Variants in GRM1 observed in about 807,000 individuals in gnomAD.
The protein encoded by GRM1 is metabotropic glutamate receptor 1.
In GRM1, 33 loss-of-function variants were observed where a neutral mutation model predicts 90.9. That is an observed-to-expected ratio of 0.36 (90% CI 0.28 to 0.49). The LOEUF (loss-of-function observed/expected upper bound fraction) is 0.49, where lower values mean the gene tolerates loss of function less well. Ranked by LOEUF, GRM1 falls within the 20% of genes least tolerant of loss-of-function variation. The pLI is 0.99. For synonymous variants in GRM1, 700 were observed against 613.2 expected, an observed-to-expected ratio of 1.14 and a Z score of -2.09; for missense variants, 1,190 against 1,534.3, an observed-to-expected ratio of 0.78 and a Z score of 3.75.
chr6:146,265,628 C>G (rs997630849), intron 2 of GRM1, among the ~76,000 whole-genome samples: 6 of 152,036 alleles, frequency 3.9e-5, no homozygotes, highest in Non-Finnish European at 8.8e-5. Context: ...AAGACTTTTT[C>G]CTGGGTTTTC....
intron 7 of GRM1, among the ~76,000 whole-genome samples, chr6:146,404,993 A>G (rs544625471): frequency 1.3e-5 from 2 of 152,326 alleles, no homozygotes; most frequent in East Asian, 3.9e-4. Context: ...ACTAGACTTG[A>G]AATACCAGTT....
At chr6:146,069,453 A>C (rs530531197) in intron 1 of GRM1, among the ~76,000 whole-genome samples, 33 of 152,340 alleles carry the variant, frequency 2.2e-4, no homozygotes, top group African/African-American at 7.0e-4. Flanking sequence ...TAATAGGAAT[A>C]TGAAATCTTT....
chr6:146,155,219 C>T (rs1777480479), intron 1 of GRM1, among the ~76,000 whole-genome samples: 1 of 152,124 alleles, frequency 6.6e-6, no homozygotes, highest in Non-Finnish European at 1.5e-5. Context: ...AAACAGTGGG[C>T]CACCCATATA....
At chr6:146,121,286 C>T (rs1349674900) in intron 1 of GRM1, among the ~76,000 whole-genome samples, 5 of 151,886 alleles carry the variant, frequency 3.3e-5, no homozygotes, top group African/African-American at 4.8e-5. Context: ...TGGTGCTATC[C>T]CCTTTATCAT....
chr6:146,204,629 G>C (rs1450778694), intron 2 of GRM1, among the ~76,000 whole-genome samples: 4 of 152,112 alleles, frequency 2.6e-5, no homozygotes, highest in African/African-American at 9.7e-5. Flanking sequence ...TGAAATTTAT[G>C]ATGATTCAGA....
intron 2 of GRM1, among the ~76,000 whole-genome samples, chr6:146,241,796 A>G (rs895824362): frequency 6.6e-6 from 1 of 152,104 alleles, no homozygotes; most frequent in East Asian, 1.9e-4. Context: ...GAGATTTTAT[A>G]TAGAGATTTT....
At chr6:146,282,870 A>G (rs560774649) in intron 2 of GRM1, among the ~76,000 whole-genome samples, 2 of 152,200 alleles carry the variant, frequency 1.3e-5, no homozygotes, top group Non-Finnish European at 2.9e-5. Flanking sequence ...AGACTGGATA[A>G]CTGAGAAGAA....
At chr6:146,353,302 G>T (rs780639917) in intron 4 of GRM1, among the ~76,000 whole-genome samples, 1 of 152,096 alleles carries the variant, frequency 6.6e-6, no homozygotes, top group East Asian at 1.9e-4. Flanking sequence ...GAAGGAAAAA[G>T]GCCCTCAGCT....
At chr6:146,359,425 GGCTGCCTCTC>G (rs1775370086) in intron 5 of GRM1, among the ~76,000 whole-genome samples, 1 of 152,204 alleles carries the variant, frequency 6.6e-6, no homozygotes, top group Non-Finnish European at 1.5e-5. Context: ...TGTTGGCTCA[GGCTGCCTCTC>G]CAGTGTGGGT....
chr6:146,059,729 T>G (rs1775599412), intron 1 of GRM1, among the ~76,000 whole-genome samples: 1 of 152,020 alleles, frequency 6.6e-6, no homozygotes. Flanking sequence ...TCTTGATAAC[T>G]TCCTGCAACT....
At chr6:146,392,980 G>A (rs1776787875) in intron 6 of GRM1, among the ~76,000 whole-genome samples, 1 of 152,124 alleles carries the variant, frequency 6.6e-6, no homozygotes, top group Non-Finnish European at 1.5e-5. Flanking sequence ...ATTGTGAATA[G>A]TGCTGTGATA....
At chr6:146,291,250 A>G (rs1462495147) in intron 2 of GRM1, among the ~76,000 whole-genome samples, 1 of 151,968 alleles carries the variant, frequency 6.6e-6, no homozygotes, top group Non-Finnish European at 1.5e-5. Context: ...GTTGTATGCA[A>G]CATAGTTTTG....
chr6:146,414,377 T>TTTATTATTA (rs56297907), intron 7 of GRM1, among the ~76,000 whole-genome samples: 13,975 of 145,274 alleles, frequency 0.096, 782 homozygotes, highest in African/African-American at 0.13. Flanking sequence ...CCGTTTGCCT[T>TTTATTATTA]TTATTATTAT....
At chr6:146,177,492 A>G (rs948679134) in intron 2 of GRM1, among the ~76,000 whole-genome samples, 1 of 151,990 alleles carries the variant, frequency 6.6e-6, no homozygotes, top group Non-Finnish European at 1.5e-5. Context: ...TTTATACTCA[A>G]TGTTCTTAAA....
At chr6:146,294,176 AT>A (rs1468920258) in intron 2 of GRM1, among the ~76,000 whole-genome samples, 3 of 151,442 alleles carry the variant, frequency 2.0e-5, no homozygotes, top group African/African-American at 7.3e-5. Context: ...AAGCTCATTT[AT>A]TTTCAGCTTT....
At chr6:146,056,567 C>A (rs1775488127) in intron 1 of GRM1, among the ~76,000 whole-genome samples, 1 of 152,080 alleles carries the variant, frequency 6.6e-6, no homozygotes, top group Non-Finnish European at 1.5e-5. Context: ...TCTAACTAAG[C>A]AAGAATTTAA....
intron 2 of GRM1, among the ~76,000 whole-genome samples, chr6:146,239,157 T>G (rs1193016681): frequency 6.6e-6 from 1 of 152,150 alleles, no homozygotes; most frequent in Non-Finnish European, 1.5e-5. Flanking sequence ...TCAGCTCCTC[T>G]CATTTCAGAA....
intron 2 of GRM1, among the ~76,000 whole-genome samples, chr6:146,290,385 A>G (rs191689561): frequency 7.2e-5 from 11 of 152,326 alleles, no homozygotes; most frequent in Admixed American, 7.2e-4. Context: ...AGGGACAGAG[A>G]CTATGAAATG....
intron 3 of GRM1, among the ~76,000 whole-genome samples, chr6:146,339,601 C>T (rs974277518): frequency 6.6e-6 from 1 of 152,148 alleles, no homozygotes; most frequent in Non-Finnish European, 1.5e-5. Flanking sequence ...TCAGTTAGAT[C>T]ATCATCCTAT....
Sources: gnomAD v4.1 joint callset for allele counts (sites outside exome capture counted in the v4.1 genomes callset) on GRCh38, gnomAD v4.1.1 for gene constraint, MANE v1.5 for transcripts, NCBI Gene and HGNC (gene_info 2026-07-23, HGNC 2026-07-21) for gene names.